PDXK: variants seen among roughly 807,000 people sequenced by gnomAD.
The protein encoded by PDXK is pyridoxal kinase.
Under a neutral mutation model 43.2 loss-of-function variants are expected in PDXK, and 15 were observed. The ratio of observed to expected loss-of-function variants is 0.35; its 90% CI spans 0.23 to 0.53. PDXK has a LOEUF of 0.53. PDXK is among the 20% of genes least tolerant of loss of function. The probability of loss-of-function intolerance (pLI) is 0.92; values close to 1 mark genes in which losing one functional copy is unlikely to be tolerated. For synonymous variants in PDXK, 172 were observed against 165.4 expected, an observed-to-expected ratio of 1.04 and a Z score of -0.31; for missense variants, 343 against 417.0, an observed-to-expected ratio of 0.82 and a Z score of 1.54.
At chr21:43,728,279 C>T (rs2083274190) in intron 1 of PDXK, among the ~76,000 whole-genome samples, 1 of 152,152 alleles carries the variant, frequency 6.6e-6, no homozygotes, top group Admixed American at 6.5e-5. Context: ...ACGCGGGGTG[C>T]TTGTGCCCCA....
chr21:43,732,152 A>C lies in PDXK; in HGVS notation c.88-1917A>C. On this transcript the variant is annotated intron_variant, in intron 1 of 10. Coordinates refer to ENST00000291565, the MANE Select transcript of PDXK (RefSeq NM_003681.5). The surrounding 1 kb of genome is among the most constrained non-coding windows in gnomAD (Gnocchi z 4.1). Reference sequence around the variant, plus strand: ...TTCTCTTCGCAGGCTTCAGTTTCACATTCTTGGTACCTCCTGGTGGTGCCT... The same window carrying C: ...TTCTCTTCGCAGGCTTCAGTTTCACCTTCTTGGTACCTCCTGGTGGTGCCT... 1 of 1,387,560 alleles carries C rather than the reference A, an allele frequency of 7.2e-7. No homozygotes were observed. The highest frequency in any genetic ancestry group is 9.3e-7 in the Non-Finnish European group (1 of 1,073,760). The allele number at this position is 1,387,560 out of a possible 1,614,324, so 86.0% of individuals were successfully genotyped here. A position where few individuals can be genotyped will look rare whatever the true frequency, so the allele number is the denominator to read the frequency against.
rs968538568 is a variant in PDXK, at chr21:43,754,374, T to A, written c.759+655T>A. Among the ~76,000 whole-genome samples, 1 of 152,202 alleles carries A rather than the reference T, an allele frequency of 6.6e-6. No homozygotes were observed. Among genetic ancestry groups the A allele is most frequent in the African/African-American group, 2.4e-5 (1 of 41,530 alleles). ...TCGTGAGCCTTTCTCGTGTGTCCCA[T>A]GGGTAAGCACACAGCTCAGCGGGGA... On this transcript the variant is annotated intron_variant, in intron 9 of 10. Coordinates refer to ENST00000291565, the MANE Select transcript of PDXK (RefSeq NM_003681.5). The surrounding 1 kb of genome is among the most constrained non-coding windows in gnomAD (Gnocchi z 5.5).
intron 5 of PDXK, among the ~76,000 whole-genome samples, chr21:43,747,412 C>T (rs921367786): frequency 6.6e-6 from 1 of 152,278 alleles, no homozygotes; most frequent in Non-Finnish European, 1.5e-5. Flanking sequence ...CTGAGCACAG[C>T]GGGCTTCTCC....
At position 43,732,455 on chromosome 21, in the gene PDXK, GAGA is replaced by G; in HGVS notation, c.88-1613_88-1611del. ...TGATTTTGATGGGGTGTGTGAAACG[GAGA>G]TGCCAGCCCAGGGGCTCAGCTTGCT... is the stretch of plus-strand genomic sequence containing the variant. On this transcript the variant is annotated intron_variant, in intron 1 of 10. Transcript: ENST00000291565. The surrounding 1 kb of genome is among the most constrained non-coding windows in gnomAD (Gnocchi z 4.1). The G allele has an allele frequency of 6.2e-7, 1 of 1,611,678 alleles. No individual in the cohort carries two copies. The highest frequency in any genetic ancestry group is 8.5e-7 in the Non-Finnish European group (1 of 1,178,820).
chr21:43,726,129 T>G (rs1011730615), intron 1 of PDXK, among the ~76,000 whole-genome samples: 1 of 152,204 alleles, frequency 6.6e-6, no homozygotes, highest in Non-Finnish European at 1.5e-5. Context: ...TTCTTTCATC[T>G]TTCTCCAAGA....
chr21:43,726,276 T>TC (rs1317624688), intron 1 of PDXK, among the ~76,000 whole-genome samples: 3 of 142,748 alleles, frequency 2.1e-5, no homozygotes, highest in African/African-American at 5.2e-5. Flanking sequence ...TTTTCTTTTT[T>TC]TTTTTTTTTT....
intron 4 of PDXK, among the ~76,000 whole-genome samples, chr21:43,744,893 T>C (rs2083610060): frequency 6.6e-6 from 1 of 152,210 alleles, no homozygotes; most frequent in South Asian, 2.1e-4. Flanking sequence ...ACAAACAAAG[T>C]GTCCGTACAT....
rs1160911748 is a variant in PDXK, at chr21:43,734,312, G to C, written c.142+189G>C. On this transcript the variant is annotated intron_variant, in intron 2 of 10. Transcript: ENST00000291565. The surrounding 1 kb of genome is among the most constrained non-coding windows in gnomAD (Gnocchi z 5.0). ...GCATATCAGGGTGTAGGCCTGGGTG[G>C]CCTCGCCTCTGAGAGGGGTTGTGTT... Among the ~76,000 whole-genome samples, 1 of 151,938 alleles carries C rather than the reference G, an allele frequency of 6.6e-6. No individual in the cohort carries two copies. Among genetic ancestry groups the C allele is most frequent in the Non-Finnish European group, 1.5e-5 (1 of 67,978 alleles).
chr21:43,746,462 C>T (rs537198367), intron 5 of PDXK, among the ~76,000 whole-genome samples: 11 of 152,292 alleles, frequency 7.2e-5, no homozygotes, highest in Admixed American at 6.5e-4. Context: ...CTCAGTCACC[C>T]AGGCTGGAGT....
intron 1 of PDXK, among the ~76,000 whole-genome samples, chr21:43,721,473 A>G (rs1463162150): frequency 6.6e-6 from 1 of 152,194 alleles, no homozygotes; most frequent in Non-Finnish European, 1.5e-5. Flanking sequence ...GAGACTGGAG[A>G]ATGCCTCAGG....
At chr21:43,726,908 A>G (rs555561630) in intron 1 of PDXK, among the ~76,000 whole-genome samples, 169 of 151,940 alleles carry the variant, frequency 1.1e-3, no homozygotes, top group South Asian at 5.2e-3. Flanking sequence ...GCATGTGTGC[A>G]TGTGGGATGC....
intron 5 of PDXK, among the ~76,000 whole-genome samples, chr21:43,746,454 C>A (rs188233435): frequency 6.6e-6 from 1 of 152,302 alleles, no homozygotes; most frequent in African/African-American, 2.4e-5. Context: ...GAGTCTCACT[C>A]AGTCACCCAG....
chr21:43,743,877 G>A, intron 4 of PDXK, 70 bp downstream of exon 4: 1 of 1,072,180 alleles, frequency 9.3e-7, no homozygotes, highest in Admixed American at 1.9e-5. Context: ...GGGAGCCCGG[G>A]AAGGGACGTC....
chr21:43,753,287 C>T (rs1437854733), intron 8 of PDXK, among the ~76,000 whole-genome samples: 2 of 152,240 alleles, frequency 1.3e-5, no homozygotes, highest in East Asian at 1.9e-4. Context: ...CACACACACT[C>T]GGATGCGTCC....
chr21:43,744,798 C>T (rs115359302), intron 4 of PDXK: 31 of 152,342 alleles, frequency 2.0e-4, no homozygotes, highest in African/African-American at 6.3e-4. Context: ...CAGACTCAAG[C>T]GGATGTGCGT....
intron 4 of PDXK, 101 bp downstream of exon 4, chr21:43,743,908 C>A: frequency 2.6e-6 from 2 of 758,140 alleles, no homozygotes; most frequent in Non-Finnish European, 4.5e-6. Flanking sequence ...TCCTCCTCTG[C>A]ACGCCTCCGT....
chr21:43,756,023 T>C lies in PDXK; in HGVS notation c.899T>C (p.Ile300Thr). 2 of 1,613,098 alleles carry C rather than the reference T, an allele frequency of 1.2e-6. No individual in the cohort carries two copies. The highest frequency in any genetic ancestry group is 1.7e-6 in the Non-Finnish European group (2 of 1,179,634). Residue 300 changes from isoleucine (I) to threonine (T), a missense_variant, in exon 11 of 11, where the codon ATC becomes ACC. Ile to Thr is a moderately conservative substitution (Grantham distance 89). Coordinates refer to ENST00000291565, the MANE Select transcript of PDXK (RefSeq NM_003681.5). ...CGGATGGTGCAGAGCAAAAGGGACA[T>C]CGAGGACCCAGAGATCGTCGTCCAG... ...ELRMVQSKRD[I>T]EDPEIVVQAT...
Position 43,719,137 on chromosome 21 carries a change from G to A in PDXK, c.-158G>A. On this transcript the variant is annotated 5_prime_UTR_variant, in exon 1 of 11. Coordinates refer to ENST00000291565, the MANE Select transcript of PDXK (RefSeq NM_003681.5). ...CGGAGCCGCCCGCTGAGGTCAGAAG[G>A]AGGCGTCTGCGCTGATCGGGTCCGC... 3 of 311,380 alleles carry A rather than the reference G, an allele frequency of 9.6e-6. No individual in the cohort carries two copies. Among genetic ancestry groups the A allele is most frequent in the Non-Finnish European group, 1.7e-5 (3 of 173,600 alleles). 19.3% of individuals were successfully genotyped at this position (311,380 alleles called of 1,614,324 possible).
At chr21:43,728,321 C>T (rs899859835) in intron 1 of PDXK, among the ~76,000 whole-genome samples, 15 of 152,172 alleles carry the variant, frequency 9.9e-5, no homozygotes, top group African/African-American at 3.4e-4. Context: ...CACATGATCT[C>T]TCCTGTCCTC....
Sources: allele counts gnomAD v4.1 joint callset (sites outside exome capture counted in the v4.1 genomes callset), GRCh38; gene constraint gnomAD v4.1.1; non-coding constraint Gnocchi (gnomAD v3.1); transcripts MANE v1.5; gene names NCBI Gene and HGNC (gene_info 2026-07-23, HGNC 2026-07-21).